Variants in ITIH5 observed in about 807,000 individuals in gnomAD.
ITIH5 encodes the protein inter-alpha-trypsin inhibitor heavy chain H5.
Under a neutral mutation model 77.5 loss-of-function variants are expected in ITIH5, and 65 were observed. The ratio of observed to expected loss-of-function variants is 0.84; its 90% CI spans 0.69 to 1.03. The LOEUF is 1.03. ITIH5 is among the 50% of genes least tolerant of loss of function. ITIH5 has a pLI of 0.00. For missense variants in ITIH5, 1,208 were observed against 1,213.1 expected, an observed-to-expected ratio of 1.00 and a Z score of 0.06; for synonymous variants, 525 against 494.3, an observed-to-expected ratio of 1.06 and a Z score of -0.82.
intron 5 of ITIH5, chr10:7,618,151 T>C (rs9787709): frequency 0.15 from 22,618 of 151,996 alleles, 1,829 homozygotes; most frequent in East Asian, 0.26. Flanking sequence ...TTGTTTTTTG[T>C]AGAGACAGGG....
chr10:7,665,753 A>G (rs1313124378), intron 1 of ITIH5, among the ~76,000 whole-genome samples: 3 of 152,246 alleles, frequency 2.0e-5, no homozygotes, highest in African/African-American at 2.4e-5. Context: ...CCCGGAACAC[A>G]CAACTAAAGC....
At chr10:7,583,083 A>T (rs1035256015) in intron 8 of ITIH5, among the ~76,000 whole-genome samples, 1 of 152,206 alleles carries the variant, frequency 6.6e-6, no homozygotes, top group Non-Finnish European at 1.5e-5. Flanking sequence ...CTGTATCAAA[A>T]TACCTCATAT....
At chr10:7,590,503 C>T (rs993202161) in intron 7 of ITIH5, among the ~76,000 whole-genome samples, 2 of 152,200 alleles carry the variant, frequency 1.3e-5, no homozygotes, top group Non-Finnish European at 2.9e-5. Flanking sequence ...TGCGTGTGCA[C>T]GTGTGATTTT....
At chr10:7,639,674 T>C (rs1276036262) in intron 4 of ITIH5, among the ~76,000 whole-genome samples, 2 of 152,218 alleles carry the variant, frequency 1.3e-5, no homozygotes, top group Admixed American at 6.5e-5. Context: ...CACATTGGGC[T>C]GGTGAAGAGG....
intron 11 of ITIH5, chr10:7,571,425 T>C (rs1832295401): frequency 6.6e-6 from 1 of 152,176 alleles, no homozygotes; most frequent in Admixed American, 6.5e-5. Flanking sequence ...TATTTATTTA[T>C]TTTGTTTTTG....
chr10:7,577,039 G>A (rs1832441076), intron 9 of ITIH5, 27 bp from the exon 10 acceptor site: 9 of 1,577,608 alleles, frequency 5.7e-6, no homozygotes, highest in Non-Finnish European at 7.8e-6. Context: ...GGGAGGGAGG[G>A]AGATCAGGGC....
chr10:7,642,061 T>C lies in ITIH5; in HGVS notation c.165A>G (p.Ser55=). 1.2e-6 allele frequency: 2 copies of C among 1,614,058 alleles called. No homozygotes were observed. The highest frequency in any genetic ancestry group is 1.1e-5 in the South Asian group (1 of 91,058). The change falls in exon 3 of 14, where the codon TCA becomes TCG. Residue 55 remains serine, a synonymous_variant. Coordinates refer to ENST00000397146, the MANE Select transcript of ITIH5 (RefSeq NM_030569.7). ...AACGGGAAATGATGGTAGACTTCAC[T>C]GAGAATTCTGTCATCAAAGGTTTGG... The part of the protein sequence containing the change: ...LKTKPLMTEF[S]VKSTIISRYA...
chr10:7,600,330 C>T (rs1430780829), intron 7 of ITIH5, among the ~76,000 whole-genome samples: 5 of 152,186 alleles, frequency 3.3e-5, no homozygotes, highest in African/African-American at 7.2e-5. Flanking sequence ...CCCCATTTTC[C>T]CACCTGGTCC....
At chr10:7,602,045 G>A (rs1190816657) in intron 7 of ITIH5, among the ~76,000 whole-genome samples, 1 of 152,000 alleles carries the variant, frequency 6.6e-6, no homozygotes, top group Non-Finnish European at 1.5e-5. Flanking sequence ...GTAGAGACAG[G>A]GTTTCACCAT....
chr10:7,564,653 C>T (rs1418622147), intron 13 of ITIH5, among the ~76,000 whole-genome samples: 3 of 151,646 alleles, frequency 2.0e-5, no homozygotes, highest in Admixed American at 6.6e-5. Flanking sequence ...TAGATGGTCA[C>T]GTAATGACCA....
intron 13 of ITIH5, among the ~76,000 whole-genome samples, chr10:7,565,563 TAC>T (rs1043841350): frequency 1.2e-4 from 18 of 149,262 alleles, no homozygotes; most frequent in Non-Finnish European, 2.2e-4. Context: ...CATATATACA[TAC>T]AGACGGTATA....
At chr10:7,601,755 TC>T (rs1481025519) in intron 7 of ITIH5, among the ~76,000 whole-genome samples, 1 of 152,130 alleles carries the variant, frequency 6.6e-6, no homozygotes, top group Non-Finnish European at 1.5e-5. Flanking sequence ...GAGTACTAAA[TC>T]CCCTCACCAG....
rs918451442 is a variant in ITIH5, at chr10:7,585,803, C to G, written c.1108+98G>C. 3.6e-6 allele frequency: 4 copies of G among 1,117,790 alleles called. No homozygotes were observed. The African/African-American group carries it at 6.9e-5, about 19-fold the overall frequency. 69.2% of individuals were successfully genotyped at this position (1,117,790 alleles called of 1,614,324 possible). A position where few individuals can be genotyped will look rare whatever the true frequency, so the allele number is the denominator to read the frequency against. ...TCTCCCTTCCTGCCATCAACCCCAGCTTTCAAATCCTTATCTCTTGGCAAA... is the reference window on the plus strand; with the variant it reads ...TCTCCCTTCCTGCCATCAACCCCAGGTTTCAAATCCTTATCTCTTGGCAAA... On this transcript the variant is annotated intron_variant, in intron 8 of 13. Coordinates refer to ENST00000397146, the MANE Select transcript of ITIH5 (RefSeq NM_030569.7).
At chr10:7,574,875 C>T (rs564102442) in intron 10 of ITIH5, among the ~76,000 whole-genome samples, 8 of 152,054 alleles carry the variant, frequency 5.3e-5, no homozygotes, top group South Asian at 2.1e-4. Flanking sequence ...TCTGGCCCCC[C>T]GAGTCTTGTA....
chr10:7,567,454 C>A (rs1000115114), intron 12 of ITIH5, among the ~76,000 whole-genome samples: 2 of 151,462 alleles, frequency 1.3e-5, no homozygotes, highest in African/African-American at 4.9e-5. Context: ...TCGTCATTTA[C>A]ATTAGGTATA....
At chr10:7,661,665 T>C (rs1834279093) in intron 1 of ITIH5, among the ~76,000 whole-genome samples, 2 of 152,186 alleles carry the variant, frequency 1.3e-5, no homozygotes, top group Non-Finnish European at 2.9e-5. Context: ...AACCTGATAT[T>C]ACAGCTAAAA....
At chr10:7,643,076 C>G (rs1369445215) in intron 2 of ITIH5, among the ~76,000 whole-genome samples, 1 of 151,998 alleles carries the variant, frequency 6.6e-6, no homozygotes, top group Non-Finnish European at 1.5e-5. Flanking sequence ...GGATTAATGC[C>G]CTTAAGAGAG....
intron 5 of ITIH5, among the ~76,000 whole-genome samples, chr10:7,631,646 C>T (rs1833714267): frequency 6.6e-6 from 1 of 152,098 alleles, no homozygotes; most frequent in Non-Finnish European, 1.5e-5. Context: ...GAGGTTGTTT[C>T]CACCAACCAC....
chr10:7,650,616 A>G (rs981564451), intron 2 of ITIH5, among the ~76,000 whole-genome samples: 2 of 152,118 alleles, frequency 1.3e-5, no homozygotes, highest in African/African-American at 4.8e-5. Context: ...GGTGCCCATA[A>G]TCCCAGCTAC....
Sources: gnomAD v4.1 joint callset for allele counts (sites outside exome capture counted in the v4.1 genomes callset) on GRCh38, gnomAD v4.1.1 for gene constraint, MANE v1.5 for transcripts, NCBI Gene and HGNC (gene_info 2026-07-23, HGNC 2026-07-21) for gene names.